AFF1: variants seen among roughly 807,000 people sequenced by gnomAD.
AFF1 encodes AF4/FMR2 family member 1.
In AFF1, 48 loss-of-function variants were observed where a neutral mutation model predicts 121.7. The observed-to-expected ratio is 0.39, with a 90% CI of 0.31 to 0.50. The LOEUF is 0.50. AFF1 is among the 20% of genes least tolerant of loss of function. The pLI is 0.76. For synonymous variants in AFF1, 613 were observed against 563.0 expected (o/e 1.09, Z -1.26); for missense variants, 1,523 against 1,511.7 (o/e 1.01, Z -0.12).
At chr4:86,957,252 C>T (rs1721807623) in intron 2 of AFF1, among the ~76,000 whole-genome samples, 1 of 152,106 alleles carries the variant, frequency 6.6e-6, no homozygotes, top group African/African-American at 2.4e-5. Context: ...TGGGAAAGAA[C>T]CATTTTTCTT....
At chr4:86,985,608 G>A (rs1476881737) in intron 2 of AFF1, among the ~76,000 whole-genome samples, 2 of 151,490 alleles carry the variant, frequency 1.3e-5, no homozygotes, top group African/African-American at 2.4e-5. Context: ...CCCTTGAAGC[G>A]GAGGTTGCAG....
intron 2 of AFF1, among the ~76,000 whole-genome samples, chr4:86,989,878 G>C (rs1365653084): frequency 6.6e-6 from 1 of 152,138 alleles, no homozygotes; most frequent in African/African-American, 2.4e-5. Context: ...CCTTTGCAGG[G>C]AAATGGATGA....
chr4:87,072,462 ATAAAT>A (rs1265426573), intron 4 of AFF1, among the ~76,000 whole-genome samples: 1 of 152,024 alleles, frequency 6.6e-6, no homozygotes, highest in African/African-American at 2.4e-5. Context: ...CCTATTTAAA[ATAAAT>A]TCAAGAATAA....
At chr4:86,992,186 G>T (rs1724784672) in intron 2 of AFF1, among the ~76,000 whole-genome samples, 1 of 152,102 alleles carries the variant, frequency 6.6e-6, no homozygotes. Flanking sequence ...CGAGTGCAGG[G>T]TCATATCTCA....
intron 2 of AFF1, among the ~76,000 whole-genome samples, chr4:87,022,722 ATATG>A (rs1283873417): frequency 6.8e-6 from 1 of 146,248 alleles, no homozygotes; most frequent in African/African-American, 2.6e-5. Context: ...CTGTGTGTAT[ATATG>A]TATATATATC....
intron 4 of AFF1, among the ~76,000 whole-genome samples, chr4:87,057,842 C>A (rs1161954550): frequency 6.6e-5 from 10 of 152,104 alleles, no homozygotes; most frequent in Non-Finnish European, 8.8e-5. Flanking sequence ...GGTTATCAAG[C>A]TTTTAAGAAT....
chr4:86,961,456 A>C (rs1292103699), intron 2 of AFF1, among the ~76,000 whole-genome samples: 1 of 151,954 alleles, frequency 6.6e-6, no homozygotes, highest in Non-Finnish European at 1.5e-5. Context: ...CTTTTTTGAC[A>C]TGAATGAGAT....
intron 2 of AFF1, among the ~76,000 whole-genome samples, chr4:87,018,526 CT>C (rs971534490): frequency 8.6e-5 from 13 of 152,018 alleles, no homozygotes; most frequent in East Asian, 5.8e-4. Context: ...AGAAGGATGG[CT>C]TTTTTTGAGA....
chr4:86,940,575 T>C (rs1239265293), intron 1 of AFF1, among the ~76,000 whole-genome samples: 1 of 152,000 alleles, frequency 6.6e-6, no homozygotes, highest in African/African-American at 2.4e-5. Flanking sequence ...ATTTTTGTAT[T>C]TTTAGTAGAG....
At chr4:87,001,773 C>T (rs575512808) in intron 2 of AFF1, among the ~76,000 whole-genome samples, 1 of 152,178 alleles carries the variant, frequency 6.6e-6, no homozygotes, top group African/African-American at 2.4e-5. Context: ...CATTAGCAGT[C>T]CTCCTTGCTG....
intron 10 of AFF1, 84 bp downstream of exon 10, chr4:87,105,929 T>A: frequency 1.3e-6 from 2 of 1,517,714 alleles, no homozygotes; most frequent in Non-Finnish European, 1.8e-6. Context: ...TTTAGTACTT[T>A]CACATTTTTT....
intron 4 of AFF1, chr4:87,047,832 CA>C: frequency 1.6e-6 from 1 of 623,004 alleles, no homozygotes; most frequent in Non-Finnish European, 2.9e-6. Flanking sequence ...TTTATGGAGC[CA>C]AAATTTATAT....
chr4:86,969,879 CAAAAAAAA>C (rs70953629), intron 2 of AFF1, among the ~76,000 whole-genome samples: 1 of 63,610 alleles, frequency 1.6e-5, no homozygotes, highest in Non-Finnish European at 3.1e-5. Context: ...GACTCCGTCT[CAAAAAAAA>C]AAAAAAAAAA....
chr4:86,971,340 T>C (rs1403174927), intron 2 of AFF1, among the ~76,000 whole-genome samples: 4 of 152,216 alleles, frequency 2.6e-5, no homozygotes, highest in Non-Finnish European at 5.9e-5. Context: ...TGATCAGTTA[T>C]TGTGACTGAT....
At chr4:87,068,879 A>G (rs1390367944) in intron 4 of AFF1, among the ~76,000 whole-genome samples, 1 of 152,180 alleles carries the variant, frequency 6.6e-6, no homozygotes, top group Non-Finnish European at 1.5e-5. Context: ...GATGTGTGAA[A>G]ACAGGAAAGC....
chr4:87,075,003 A>C (rs891861050), intron 4 of AFF1, among the ~76,000 whole-genome samples: 27 of 152,368 alleles, frequency 1.8e-4, no homozygotes, highest in Admixed American at 1.5e-3. Context: ...GAATGTTTTA[A>C]GTAGCTCAGT....
Position 87,094,904 on chromosome 4 carries a change from C to T in AFF1, c.1229-11C>T, listed in dbSNP as rs111265473. The T allele has an allele frequency of 2.3e-4, 378 of 1,612,740 alleles. 1 individual carries two copies. The African/African-American group carries it at 4.3e-3, about 18-fold the overall frequency. ...GTCATTGTGCTGCTTTGATGTTTCT[C>T]TCCCCCACAGAACAATATGATACAT... On this transcript the variant is annotated splice_polypyrimidine_tract_variant and intron_variant, in intron 7 of 20. Transcript: ENST00000395146.
intron 2 of AFF1, among the ~76,000 whole-genome samples, chr4:86,970,786 G>A (rs75586835): frequency 0.046 from 7,005 of 152,252 alleles, 224 homozygotes; most frequent in Middle Eastern, 0.075. Flanking sequence ...AACTGGAGCT[G>A]GGGGTGGAGG....
Position 87,140,385 on chromosome 4 carries a change from A to G in AFF1, c.*4684A>G, listed in dbSNP as rs1460785255. On this transcript the variant is annotated 3_prime_UTR_variant, in exon 21 of 21. Coordinates refer to ENST00000395146, the MANE Select transcript of AFF1 (RefSeq NM_001166693.3). Reference sequence around the variant, plus strand: ...TGTATGTACGCACGCATGTGTCCCAAATCTTGTTTTAATTTTTTTTTTCTG... The same window carrying G: ...TGTATGTACGCACGCATGTGTCCCAGATCTTGTTTTAATTTTTTTTTTCTG... The G allele has an allele frequency of 1.0e-5, 2 of 192,080 alleles. No homozygotes were observed. The highest frequency in any genetic ancestry group is 2.2e-5 in the Non-Finnish European group (2 of 91,768). The allele number at this position is 192,080 out of a possible 1,614,324, so 11.9% of individuals were successfully genotyped here. A position where few individuals can be genotyped will look rare whatever the true frequency, so the allele number is the denominator to read the frequency against.
Sources: gnomAD v4.1 joint callset for allele counts (sites outside exome capture counted in the v4.1 genomes callset) on GRCh38, gnomAD v4.1.1 for gene constraint, MANE v1.5 for transcripts, NCBI Gene and HGNC (gene_info 2026-07-23, HGNC 2026-07-21) for gene names.